GRB14: variants seen among roughly 807,000 people sequenced by gnomAD.
GRB14 encodes growth factor receptor-bound protein 14.
GRB14 carries 38 observed loss-of-function variants against 69.1 expected under a neutral mutation model. The ratio of observed to expected loss-of-function variants is 0.55; its 90% CI spans 0.42 to 0.72. GRB14 has a LOEUF of 0.72. Ranked by LOEUF, GRB14 falls within the 30% of genes least tolerant of loss-of-function variation. GRB14 has a pLI of 0.00. For missense variants in GRB14, 666 were observed against 666.1 expected (o/e 1.00, Z 0.00); for synonymous variants, 247 against 241.3 (o/e 1.02, Z -0.22).
chr2:164,494,558 AT>A, intron 12 of GRB14, 34 bp from the exon 13 acceptor site: 1 of 1,055,410 alleles, frequency 9.5e-7, no homozygotes, highest in South Asian at 1.3e-5. Flanking sequence ...ATGTTTCTAT[AT>A]TTACTCATGG....
chr2:164,505,098 C>T (rs2105263048), intron 8 of GRB14, among the ~76,000 whole-genome samples: 1 of 152,308 alleles, frequency 6.6e-6, no homozygotes, highest in African/African-American at 2.4e-5. Flanking sequence ...TCATTTCAGG[C>T]TTCTGAACTA....
intron 2 of GRB14, among the ~76,000 whole-genome samples, chr2:164,584,125 G>A (rs1689478849): frequency 7.0e-6 from 1 of 143,780 alleles, no homozygotes; most frequent in Non-Finnish European, 1.5e-5. Context: ...TGGGACTATA[G>A]GCATCCACCA....
At chr2:164,598,188 G>A (rs951051693) in intron 2 of GRB14, among the ~76,000 whole-genome samples, 2 of 152,132 alleles carry the variant, frequency 1.3e-5, no homozygotes, top group African/African-American at 4.8e-5. Flanking sequence ...CAAATAAAGG[G>A]AAGGGTTGGA....
chr2:164,528,316 G>A (rs1239883297), intron 3 of GRB14, among the ~76,000 whole-genome samples: 4 of 152,006 alleles, frequency 2.6e-5, no homozygotes, highest in African/African-American at 7.2e-5. Flanking sequence ...TCAATAAAAG[G>A]TGGAGAAAAG....
chr2:164,507,244 A>T (rs1213377148), intron 8 of GRB14, among the ~76,000 whole-genome samples: 2 of 152,260 alleles, frequency 1.3e-5, no homozygotes, highest in East Asian at 3.9e-4. Context: ...AGAGCAGAAG[A>T]GGTAAAAATG....
At chr2:164,608,237 C>A (rs548799318) in intron 2 of GRB14, among the ~76,000 whole-genome samples, 1 of 151,696 alleles carries the variant, frequency 6.6e-6, no homozygotes, top group Non-Finnish European at 1.5e-5. Context: ...CCAGGTGTGG[C>A]GGCGAGTGCC....
At chr2:164,617,895 T>C (rs1443346689) in intron 2 of GRB14, among the ~76,000 whole-genome samples, 2 of 147,622 alleles carry the variant, frequency 1.4e-5, no homozygotes, top group Non-Finnish European at 1.5e-5. Context: ...CAGATGACCA[T>C]TATGTCATCA....
chr2:164,539,032 T>C (rs1168533441), intron 3 of GRB14, among the ~76,000 whole-genome samples: 1 of 152,082 alleles, frequency 6.6e-6, no homozygotes, highest in East Asian at 1.9e-4. Context: ...AATATTGTGG[T>C]GGGAAGAAAC....
At chr2:164,535,879 G>A (rs1425930038) in intron 3 of GRB14, among the ~76,000 whole-genome samples, 1 of 152,134 alleles carries the variant, frequency 6.6e-6, no homozygotes, top group Non-Finnish European at 1.5e-5. Context: ...TCTTCTGCGA[G>A]GGGAAATAGT....
intron 2 of GRB14, among the ~76,000 whole-genome samples, chr2:164,611,869 A>G (rs4667764): frequency 0.77 from 117,356 of 151,950 alleles, 45,970 homozygotes; most frequent in Admixed American, 0.82. Flanking sequence ...AACAGAGGCT[A>G]AGAGGGAGCT....
At chr2:164,598,431 C>T (rs923882857) in intron 2 of GRB14, among the ~76,000 whole-genome samples, 1 of 152,174 alleles carries the variant, frequency 6.6e-6, no homozygotes, top group Non-Finnish European at 1.5e-5. Flanking sequence ...TAGCATACAT[C>T]TGTGCACATG....
intron 2 of GRB14, among the ~76,000 whole-genome samples, chr2:164,552,083 A>C (rs575661679): frequency 1.0e-3 from 158 of 152,312 alleles, no homozygotes; most frequent in African/African-American, 3.7e-3. Context: ...CTTGGGAGCT[A>C]AGAGTGAAAA....
intron 3 of GRB14, among the ~76,000 whole-genome samples, chr2:164,535,207 A>C (rs2105297619): frequency 6.6e-6 from 1 of 152,298 alleles, no homozygotes; most frequent in Admixed American, 6.5e-5. Flanking sequence ...GTGAGGTCTT[A>C]TGGTAATAAA....
intron 3 of GRB14, among the ~76,000 whole-genome samples, chr2:164,542,783 A>C (rs144237566): frequency 1.0e-3 from 157 of 152,314 alleles, no homozygotes; most frequent in Non-Finnish European, 1.9e-3. Flanking sequence ...ATGCTTATAC[A>C]CTGCTGGTGG....
At chr2:164,564,439 T>G (rs546605690) in intron 2 of GRB14, among the ~76,000 whole-genome samples, 8 of 152,288 alleles carry the variant, frequency 5.3e-5, no homozygotes, top group Non-Finnish European at 1.0e-4. Flanking sequence ...TAGAAAATCA[T>G]AGCAATTAGT....
intron 2 of GRB14, among the ~76,000 whole-genome samples, chr2:164,565,883 G>A (rs1051037488): frequency 4.6e-5 from 7 of 151,626 alleles, no homozygotes; most frequent in Admixed American, 1.3e-4. Context: ...CCACATGAAG[G>A]GCCATGTTTA....
chr2:164,493,205 TAAGTA>T (rs1158751695), intron 13 of GRB14, 23 bp from the exon 14 acceptor site: 4 of 1,603,930 alleles, frequency 2.5e-6, no homozygotes, highest in East Asian at 2.3e-5. Flanking sequence ...AAGCAACAAA[TAAGTA>T]AAGAGGATAA....
At chr2:164,607,859 G>T (rs572035311) in intron 2 of GRB14, among the ~76,000 whole-genome samples, 59 of 152,174 alleles carry the variant, frequency 3.9e-4, no homozygotes, top group Non-Finnish European at 3.5e-4. Flanking sequence ...AAAGTACGAG[G>T]CTTCTGCATG....
At position 164,590,801 on chromosome 2, in the gene GRB14, A is replaced by G. The variant is rs140056948; in HGVS notation, c.324+28886T>C. On this transcript the variant is annotated intron_variant, in intron 2 of 13. Coordinates refer to ENST00000263915, the MANE Select transcript of GRB14 (RefSeq NM_004490.3). Reference sequence around the variant, plus strand: ...ATCATTTTCTTCATTATTTGAATAGAAAATATTAACTCCATTATTTTCATA... The same window carrying G: ...ATCATTTTCTTCATTATTTGAATAGGAAATATTAACTCCATTATTTTCATA... Among the ~76,000 whole-genome samples the G allele has an allele frequency of 3.8e-3, 577 of 152,366 alleles. 3 individuals carry two copies. The highest frequency in any genetic ancestry group is 0.012 in the African/African-American group (515 of 41,582).
Sources: allele counts gnomAD v4.1 joint callset (sites outside exome capture counted in the v4.1 genomes callset), GRCh38; gene constraint gnomAD v4.1.1; transcripts MANE v1.5; gene names NCBI Gene and HGNC (gene_info 2026-07-23, HGNC 2026-07-21).